The following IGSF21 variants were observed in gnomAD, a reference collection of about 807,000 sequenced individuals.
The protein encoded by IGSF21 is immunoglobin superfamily member 21.
In IGSF21, 28 loss-of-function variants were observed where a neutral mutation model predicts 46.8. The ratio of observed to expected loss-of-function variants is 0.60; its 90% CI spans 0.44 to 0.82. IGSF21 has a LOEUF of 0.82. Ranked by LOEUF, IGSF21 falls within the 40% of genes least tolerant of loss-of-function variation. The probability of loss-of-function intolerance (pLI) is 0.00; values close to 1 mark genes in which losing one functional copy is unlikely to be tolerated. For missense variants in IGSF21, 624 were observed against 665.5 expected (o/e 0.94, Z 0.69); for synonymous variants, 284 against 273.6 (o/e 1.04, Z -0.38).
chr1:18,220,636 G>A (rs1385970063), intron 1 of IGSF21, among the ~76,000 whole-genome samples: 1 of 152,120 alleles, frequency 6.6e-6, no homozygotes, highest in Non-Finnish European at 1.5e-5. Flanking sequence ...GTAATTTTCG[G>A]TGTCCCAAGC....
At chr1:18,128,767 C>T (rs983484934) in intron 1 of IGSF21, among the ~76,000 whole-genome samples, 5 of 149,724 alleles carry the variant, frequency 3.3e-5, no homozygotes, top group Non-Finnish European at 3.0e-5. Context: ...ACTGAGTTAG[C>T]CACTGTCTCT....
intron 4 of IGSF21, among the ~76,000 whole-genome samples, chr1:18,359,498 AGG>A (rs2086077278): frequency 4.7e-5 from 4 of 85,786 alleles, no homozygotes; most frequent in South Asian, 4.0e-4. Flanking sequence ...GAAGGAAGGA[AGG>A]AAGGAAGGAA....
chr1:18,178,849 G>A (rs1314928214), intron 1 of IGSF21, among the ~76,000 whole-genome samples: 5 of 152,100 alleles, frequency 3.3e-5, no homozygotes, highest in Non-Finnish European at 5.9e-5. Context: ...GGGAGCGAGC[G>A]CAGGGATGCT....
At chr1:18,145,066 C>G (rs562423591) in intron 1 of IGSF21, among the ~76,000 whole-genome samples, 2 of 151,974 alleles carry the variant, frequency 1.3e-5, no homozygotes, top group Non-Finnish European at 2.9e-5. Context: ...TAATTTGAAG[C>G]GTTTAGAAAG....
intron 1 of IGSF21, among the ~76,000 whole-genome samples, chr1:18,140,841 CT>C (rs1212542507): frequency 2.6e-5 from 4 of 152,226 alleles, no homozygotes; most frequent in African/African-American, 9.6e-5. Context: ...GCTGCCCCTT[CT>C]CCCCACTTAT....
In IGSF21 at chr1:18,291,951, G is replaced by T. The variant is rs770942594; in HGVS notation, c.269G>T (p.Arg90Leu). 46 of 1,614,004 alleles carry T rather than the reference G, an allele frequency of 2.9e-5. No individual in the cohort carries two copies. The highest frequency in any genetic ancestry group is 3.4e-5 in the Non-Finnish European group (40 of 1,180,000). Reference protein sequence around the residue: ...STNYSHMENYRKREDLVYQST... With the variant: ...STNYSHMENYLKREDLVYQST... ...AACTACTCACACATGGAGAACTACC[G>T]CAAGCGAGAGGACCTGGTGTACCAG... The change falls in exon 3 of 10, where the codon CGC (arginine) becomes CTC (leucine). Residue 90 changes from arginine (R) to leucine (L), a missense_variant. Coordinates refer to ENST00000251296, the MANE Select transcript of IGSF21 (RefSeq NM_032880.5).
Position 18,269,448 on chromosome 1 carries a change from T to G in IGSF21, c.184-22418T>G, listed in dbSNP as rs900945979. On this transcript the variant is annotated intron_variant, in intron 2 of 9. Transcript: ENST00000251296. ...AGGATCAGCATCTTTGAATAAATGA[T>G]ACGTTTACAAGGAAAAGCTTACTGT... Among the ~76,000 whole-genome samples, 3 of 152,130 alleles carry G rather than the reference T, an allele frequency of 2.0e-5. No homozygotes were observed. In the South Asian group the frequency reaches 6.2e-4, roughly 32 times the overall value.
At chr1:18,246,265 C>T in intron 2 of IGSF21, among the ~76,000 whole-genome samples, 2 of 152,050 alleles carry the variant, frequency 1.3e-5, no homozygotes, top group East Asian at 3.9e-4. Context: ...CATCTCAGTG[C>T]CCAGTGGGCC....
At chr1:18,273,963 G>A (rs1473651172) in intron 2 of IGSF21, among the ~76,000 whole-genome samples, 1 of 152,152 alleles carries the variant, frequency 6.6e-6, no homozygotes, top group Admixed American at 6.5e-5. Context: ...CCACTAGTCT[G>A]CTGCTCTATG....
intron 1 of IGSF21, among the ~76,000 whole-genome samples, chr1:18,225,513 G>A (rs1031985579): frequency 2.0e-5 from 3 of 152,034 alleles, no homozygotes; most frequent in South Asian, 2.1e-4. Context: ...CACCCACCTC[G>A]GGCTGCTCAA....
At chr1:18,289,221 A>G (rs2124563270) in intron 2 of IGSF21, among the ~76,000 whole-genome samples, 1 of 152,328 alleles carries the variant, frequency 6.6e-6, no homozygotes, top group African/African-American at 2.4e-5. Flanking sequence ...AGGAGGAGAT[A>G]AAAAAGCAGT....
intron 3 of IGSF21, among the ~76,000 whole-genome samples, chr1:18,316,564 G>T (rs1216694035): frequency 1.3e-5 from 2 of 152,162 alleles, no homozygotes. Flanking sequence ...GGTCCCTAAT[G>T]CAACCCCTGT....
chr1:18,334,942 G>A lies in IGSF21; in HGVS notation c.356G>A (p.Gly119Asp). 1.2e-6 allele frequency: 2 copies of A among 1,614,164 alleles called. No individual in the cohort carries two copies. Among genetic ancestry groups the A allele is most frequent in the South Asian group, 1.1e-5 (1 of 91,084 alleles). The change falls in exon 4 of 10, where the codon GGC becomes GAC. Residue 119 changes from glycine to aspartate, a missense_variant. Physicochemically the swap from Gly to Asp is moderately conservative, Grantham distance 94. Transcript: ENST00000251296. This position sits in a 1 kb window ranked among gnomAD's most constrained non-coding sequence, Gnocchi z 4.3. ...AATGGTCCCTATGAGTGCCATGTGG[G>A]CATCTACGACCGCGCCACCAGGGAG... The part of the protein sequence containing the change: ...SDNGPYECHV[G>D]IYDRATREKV...
At position 18,109,732 on chromosome 1, in the gene IGSF21, C is replaced by T. The variant is rs929116466; in HGVS notation, c.70+1534C>T. On this transcript the variant is annotated intron_variant, in intron 1 of 9. Transcript: ENST00000251296. The surrounding 1 kb of genome is among the most constrained non-coding windows in gnomAD (Gnocchi z 4.8). ...CTAAGTGGATCAAAATGTCCCCCCT[C>T]AACTTTGGGAGGAGGGCTCTAGAGG... is the stretch of plus-strand genomic sequence containing the variant. The T allele has an allele frequency of 6.6e-6, 1 of 152,146 alleles. No homozygotes were observed. Among genetic ancestry groups the T allele is most frequent in the Non-Finnish European group, 1.5e-5 (1 of 68,064 alleles). 9.4% of individuals were successfully genotyped at this position (152,146 alleles called of 1,614,324 possible).
chr1:18,378,208 C>A, intron 9 of IGSF21, 48 bp from the exon 10 acceptor site: 2 of 1,497,376 alleles, frequency 1.3e-6, no homozygotes, highest in Admixed American at 1.7e-5. Flanking sequence ...TGTTCTGGAA[C>A]GGGGTTGGGT....
intron 2 of IGSF21, among the ~76,000 whole-genome samples, chr1:18,264,593 A>G (rs150905133): frequency 1.8e-3 from 269 of 152,296 alleles, no homozygotes; most frequent in African/African-American, 6.3e-3. Context: ...GATAGCCCCT[A>G]GGCAAAGGGG....
intron 1 of IGSF21, among the ~76,000 whole-genome samples, chr1:18,150,636 T>A (rs1405944271): frequency 6.6e-6 from 1 of 152,152 alleles, no homozygotes; most frequent in Non-Finnish European, 1.5e-5. Context: ...GAAGTCCACA[T>A]ACATTTGACC....
At chr1:18,228,265 T>C (rs1200103143) in intron 2 of IGSF21, among the ~76,000 whole-genome samples, 1 of 152,146 alleles carries the variant, frequency 6.6e-6, no homozygotes, top group Admixed American at 6.5e-5. Flanking sequence ...GAAAACTCCA[T>C]TAGGCAAAGT....
At chr1:18,217,415 T>C (rs1437766720) in intron 1 of IGSF21, among the ~76,000 whole-genome samples, 1 of 152,208 alleles carries the variant, frequency 6.6e-6, no homozygotes. Context: ...TAACTGGTCC[T>C]GAGCTAGGTT....
Sources: allele counts gnomAD v4.1 joint callset (sites outside exome capture counted in the v4.1 genomes callset), GRCh38; gene constraint gnomAD v4.1.1; non-coding constraint Gnocchi (gnomAD v3.1); transcripts MANE v1.5; gene names NCBI Gene and HGNC (gene_info 2026-07-23, HGNC 2026-07-21).